WASHC5: variants seen among roughly 807,000 people sequenced by gnomAD.
The protein encoded by WASHC5 is WASH complex subunit strumpellin.
A neutral mutation model predicts 150.4 loss-of-function variants in WASHC5; 101 were observed. The observed-to-expected ratio is 0.67, with a 90% CI of 0.57 to 0.79. WASHC5 has a LOEUF of 0.79. Ranked by LOEUF, WASHC5 falls within the 30% of genes least tolerant of loss-of-function variation. The pLI, the probability that WASHC5 is intolerant of heterozygous loss-of-function variation, is 0.00. For missense variants in WASHC5, 1,195 were observed against 1,396.3 expected, an observed-to-expected ratio of 0.86 and a Z score of 2.30; for synonymous variants, 467 against 491.2, an observed-to-expected ratio of 0.95 and a Z score of 0.65.
rs1815805916 is a variant in WASHC5, at chr8:125,039,082, G to C, written c.2955-123C>G. ...TTCCTCATCTGTAAAATGAGAGCTT[G>C]ATCTCGCTAATTCTCAACCATGCCT... is the stretch of plus-strand genomic sequence containing the variant. On this transcript the variant is annotated intron_variant, in intron 24 of 28. Transcript: ENST00000318410. The C allele has an allele frequency of 3.3e-5, 36 of 1,086,792 alleles. 1 individual carries two copies. In the South Asian group the frequency reaches 3.4e-4, roughly 10 times the overall value. 67.3% of individuals were successfully genotyped at this position (1,086,792 alleles called of 1,614,324 possible). A position where few individuals can be genotyped will look rare whatever the true frequency, so the allele number is the denominator to read the frequency against.
At chr8:125,032,630 A>C in intron 26 of WASHC5, 1 of 542,142 alleles carries the variant, frequency 1.8e-6, no homozygotes, top group Non-Finnish European at 3.3e-6. Context: ...TGTAATTATC[A>C]TTACTGGTTC....
At chr8:125,048,721 G>A (rs987461344) in intron 19 of WASHC5, among the ~76,000 whole-genome samples, 1 of 152,062 alleles carries the variant, frequency 6.6e-6, no homozygotes, top group Non-Finnish European at 1.5e-5. Context: ...ACAAACAAAG[G>A]AGTCCTAAAA....
rs549714199 is a variant in WASHC5, at chr8:125,030,570, C to A, written c.3335+1671G>T. 4.8e-4 allele frequency among the ~76,000 whole-genome samples: 71 copies of A among 147,898 alleles called. 2 individuals carry two copies. The South Asian group carries it at 6.6e-3, about 14-fold the overall frequency. Reference sequence around the variant, plus strand: ...CTGGTATGCACTGGATGTCAAGAAACCCATCACTGCAAAGCCGAGATCACG... The same window carrying A: ...CTGGTATGCACTGGATGTCAAGAAAACCATCACTGCAAAGCCGAGATCACG... On this transcript the variant is annotated intron_variant, in intron 27 of 28. Transcript: ENST00000318410.
chr8:125,053,090 A>G (rs1816292458), intron 17 of WASHC5, among the ~76,000 whole-genome samples: 1 of 150,108 alleles, frequency 6.7e-6, no homozygotes, highest in African/African-American at 2.5e-5. Flanking sequence ...TAAGTTTGAG[A>G]CGACCTGTAT....
At chr8:125,078,233 T>G (rs891419472) in intron 6 of WASHC5, among the ~76,000 whole-genome samples, 1 of 152,170 alleles carries the variant, frequency 6.6e-6, no homozygotes, top group South Asian at 2.1e-4. Flanking sequence ...TTGCTCAGGC[T>G]GCCTCCTTTC....
At chr8:125,053,313 C>G (rs1208235337) in intron 17 of WASHC5, among the ~76,000 whole-genome samples, 1 of 152,094 alleles carries the variant, frequency 6.6e-6, no homozygotes, top group Non-Finnish European at 1.5e-5. Context: ...CAGAGAGAGT[C>G]TACTGGGTTG....
chr8:125,032,707 G>A, intron 26 of WASHC5: 2 of 363,938 alleles, frequency 5.5e-6, no homozygotes, highest in African/African-American at 2.2e-5. Context: ...ATGTAAATGA[G>A]AAAAAAAATC....
intron 10 of WASHC5, 98 bp from the exon 11 acceptor site, chr8:125,063,749 T>G (rs1485550180): frequency 6.4e-6 from 7 of 1,085,952 alleles, no homozygotes. Context: ...AAATTTTAAA[T>G]AAGAAGCTAC....
In WASHC5 at chr8:125,079,163, T is replaced by C. The variant is rs34818959; in HGVS notation, c.519-233A>G. Among the ~76,000 whole-genome samples the C allele has an allele frequency of 0.15, 18,430 of 126,004 alleles. 1,897 individuals are homozygous for C. The highest frequency in any genetic ancestry group is 0.24 in the East Asian group (994 of 4,164). The allele number at this position is 126,004 out of a possible 152,430, so 82.7% of individuals were successfully genotyped here. Reference sequence around the variant, plus strand: ...ATACATTTTTTTTTGAGATGGAGTCTCGCTATGTATGTATATATAACCTTT... The same window carrying C: ...ATACATTTTTTTTTGAGATGGAGTCCCGCTATGTATGTATATATAACCTTT... On this transcript the variant is annotated intron_variant, in intron 5 of 28. Transcript: ENST00000318410.
intron 19 of WASHC5, among the ~76,000 whole-genome samples, chr8:125,048,493 C>A (rs1428876190): frequency 6.6e-6 from 1 of 152,166 alleles, no homozygotes; most frequent in African/African-American, 2.4e-5. Flanking sequence ...TGATGAGATA[C>A]CTTCATGTGC....
intron 15 of WASHC5, 90 bp from the exon 16 acceptor site, chr8:125,056,907 A>T: frequency 6.7e-7 from 1 of 1,481,696 alleles, no homozygotes; most frequent in Non-Finnish European, 9.4e-7. Flanking sequence ...TTGTCTATAT[A>T]GGGGGATGCT....
intron 1 of WASHC5, among the ~76,000 whole-genome samples, chr8:125,085,267 T>C (rs79036681): frequency 0.03 from 4,642 of 152,326 alleles, 249 homozygotes; most frequent in African/African-American, 0.1. Flanking sequence ...GGGAAAGGTA[T>C]TCTTATACTG....
intron 14 of WASHC5, 39 bp from the exon 15 acceptor site, chr8:125,057,705 A>G (rs776743425): frequency 2.4e-6 from 3 of 1,272,726 alleles, no homozygotes; most frequent in Non-Finnish European, 3.4e-6. Context: ...CTTGTTTCAA[A>G]AAGAGTCCTA....
chr8:125,042,282 A>C (rs895936090), intron 23 of WASHC5, among the ~76,000 whole-genome samples: 12 of 152,144 alleles, frequency 7.9e-5, no homozygotes, highest in Non-Finnish European at 1.8e-4. Flanking sequence ...GTGGCTATTT[A>C]TATTTAAATT....
intron 9 of WASHC5, among the ~76,000 whole-genome samples, chr8:125,069,354 A>G (rs752572126): frequency 2.0e-5 from 3 of 152,258 alleles, no homozygotes; most frequent in Admixed American, 1.3e-4. Flanking sequence ...ATTCTGTTAT[A>G]GCAGCAGAAA....
intron 28 of WASHC5, among the ~76,000 whole-genome samples, chr8:125,025,829 G>GACACACACACACACACAC (rs1320625975): frequency 5.1e-4 from 60 of 116,710 alleles, no homozygotes; most frequent in African/African-American, 2.6e-3. Flanking sequence ...TACATATGCA[G>GACACACACACACACACAC]ACAGACACAC....
chr8:125,071,582 T>C (rs1816896625), intron 9 of WASHC5, among the ~76,000 whole-genome samples: 2 of 152,334 alleles, frequency 1.3e-5, no homozygotes, highest in South Asian at 4.1e-4. Flanking sequence ...ACACGCCTGG[T>C]TGGCTCCTGA....
At chr8:125,044,839 C>G in intron 20 of WASHC5, 141 bp from the exon 21 acceptor site, 1 of 867,128 alleles carries the variant, frequency 1.2e-6, no homozygotes, top group Non-Finnish European at 1.9e-6. Context: ...TGTATTCAGG[C>G]ACCCAATGCG....
Position 125,053,451 on chromosome 8 carries a change from G to A in WASHC5, c.2097+2140C>T, listed in dbSNP as rs532297926. 3.3e-5 allele frequency among the ~76,000 whole-genome samples: 5 copies of A among 152,062 alleles called. No homozygotes were observed. The South Asian group carries it at 1.0e-3, about 32-fold the overall frequency. On this transcript the variant is annotated intron_variant, in intron 17 of 28. Transcript: ENST00000318410. ...AATTATTGTTAATTACCTGTAAGAG[G>A]TTTTATTACATCCTTCTTACAGTGG...
Sources: gnomAD v4.1 joint callset for allele counts (sites outside exome capture counted in the v4.1 genomes callset) on GRCh38, gnomAD v4.1.1 for gene constraint, MANE v1.5 for transcripts, NCBI Gene and HGNC (gene_info 2026-07-23, HGNC 2026-07-21) for gene names.